N4BP2: variants seen among roughly 807,000 people sequenced by gnomAD.
The protein encoded by N4BP2 is NEDD4 binding protein 2, also known as NEDD4-binding protein 2.
In N4BP2, 91 loss-of-function variants were observed where a neutral mutation model predicts 152.8. The observed-to-expected ratio is 0.60, with a 90% confidence interval of 0.50 to 0.71. N4BP2 has a LOEUF of 0.71. N4BP2 is among the 30% of genes least tolerant of loss of function. N4BP2 has a pLI of 0.00. For missense variants in N4BP2, 1,923 were observed against 2,059.1 expected (o/e 0.93, Z 1.28); for synonymous variants, 646 against 705.3 (o/e 0.92, Z 1.33).
At chr4:40,151,468 T>G (rs1721146591) in intron 16 of N4BP2, among the ~76,000 whole-genome samples, 1 of 151,842 alleles carries the variant, frequency 6.6e-6, no homozygotes, top group African/African-American at 2.4e-5. Flanking sequence ...GATGGGGTTT[T>G]GCCGTGTTGC....
At chr4:40,168,460 C>T in the N4BP2 span, among the ~76,000 whole-genome samples, 1 of 151,970 alleles carries the variant, frequency 6.6e-6, no homozygotes, top group Non-Finnish European at 1.5e-5. Context: ...TATTAATGAA[C>T]TAAACAGGGA....
chr4:40,103,278 T>C, intron 4 of N4BP2, 60 bp downstream of exon 4: 1 of 1,431,768 alleles, frequency 7.0e-7, no homozygotes, highest in Non-Finnish European at 9.5e-7. Flanking sequence ...AACACAAGTA[T>C]GAATAAATAG....
chr4:40,190,183 C>T, the N4BP2 span, among the ~76,000 whole-genome samples: 2 of 152,266 alleles, frequency 1.3e-5, no homozygotes, highest in East Asian at 3.9e-4. Context: ...TAAACTCAGG[C>T]GAGCAGGCTA....
chr4:40,077,433 C>T (rs1437514779), intron 2 of N4BP2, among the ~76,000 whole-genome samples: 1 of 147,632 alleles, frequency 6.8e-6, no homozygotes, highest in Non-Finnish European at 1.5e-5. Flanking sequence ...CAGGCGTGAA[C>T]CACTGTGTCT....
At position 40,120,744 on chromosome 4, in the gene N4BP2, C is replaced by T. The variant is rs1446745817; in HGVS notation, c.2633C>T (p.Ser878Leu). Residue 878 changes from serine to leucine, a missense_variant, in exon 9 of 18, where the codon TCA becomes TTA. By Grantham distance (145) the Ser-to-Leu change is moderately radical. Coordinates refer to ENST00000261435, the MANE Select transcript of N4BP2 (RefSeq NM_018177.6). ...GCTTATAAAAATATTGACAAAAACT[C>T]ATTCAACATTATGGGTGACTGGCCT... is the stretch of plus-strand genomic sequence containing the variant. The part of the protein sequence containing the change: ...YDAYKNIDKN[S>L]FNIMGDWPSS... The T allele has an allele frequency of 6.2e-7, 1 of 1,613,994 alleles. No individual in the cohort carries two copies.
chr4:40,141,446 A>T (rs1221299765), intron 14 of N4BP2, among the ~76,000 whole-genome samples: 1 of 145,088 alleles, frequency 6.9e-6, no homozygotes, highest in African/African-American at 2.6e-5. Context: ...CACATCCCAG[A>T]CGGGGCGGCG....
chr4:40,135,401 A>G (rs1327807080), intron 13 of N4BP2, among the ~76,000 whole-genome samples: 5 of 151,560 alleles, frequency 3.3e-5, no homozygotes, highest in Non-Finnish European at 4.4e-5. Context: ...TAGTGCTGCA[A>G]TAAACATACG....
the N4BP2 span, among the ~76,000 whole-genome samples, chr4:40,178,416 G>A: frequency 1.1e-4 from 11 of 102,188 alleles, no homozygotes; most frequent in South Asian, 4.1e-3. Flanking sequence ...CCCCCGCCCC[G>A]CCACCAAAAC....
rs1332231719 is a variant in N4BP2 at position 40,156,057 on chromosome 4, G to GC, written c.*1821dup. 6.6e-6 allele frequency: 1 copy of GC among 152,034 alleles called. No individual in the cohort carries two copies. Among genetic ancestry groups the GC allele is most frequent in the African/African-American group, 2.4e-5 (1 of 41,390 alleles). The allele number at this position is 152,034 out of a possible 1,614,324, so 9.4% of individuals were successfully genotyped here. A position where few individuals can be genotyped will look rare whatever the true frequency, so the allele number is the denominator to read the frequency against. ...ATTAAAAATAAACATTAAAAATAAA[G>GC]CAGTTCCTTTAAACAACTTACTATG... is the stretch of plus-strand genomic sequence containing the variant. On this transcript the variant is annotated 3_prime_UTR_variant, in exon 18 of 18. Transcript: ENST00000261435.
Position 40,121,390 on chromosome 4 carries a change from C to A in N4BP2, c.3279C>A (p.Asn1093Lys). ...LTSADESENLNILCKLFGSFS... is the reference protein window; with the variant it reads ...LTSADESENLKILCKLFGSFS... ...GTGCAGATGAATCTGAAAATCTTAACATTCTTTGTAAACTGTTTGGATCCT... is the reference window on the plus strand; with the variant it reads ...GTGCAGATGAATCTGAAAATCTTAAAATTCTTTGTAAACTGTTTGGATCCT... Residue 1093 changes from asparagine to lysine, a missense_variant, in exon 9 of 18, where the codon AAC becomes AAA. Transcript: ENST00000261435. 1 of 1,612,500 alleles carries A rather than the reference C, an allele frequency of 6.2e-7. No homozygotes were observed. The highest frequency in any genetic ancestry group is 1.1e-5 in the South Asian group (1 of 90,854).
intron 14 of N4BP2, among the ~76,000 whole-genome samples, chr4:40,139,212 GTTTC>G (rs1719678086): frequency 1.3e-5 from 2 of 151,622 alleles, no homozygotes; most frequent in Admixed American, 1.3e-4. Context: ...TGTTTGTTTT[GTTTC>G]TTTCTGGTCT....
the N4BP2 span, among the ~76,000 whole-genome samples, chr4:40,179,759 C>CTTTTTTTT: frequency 1.8e-5 from 2 of 109,132 alleles, no homozygotes; most frequent in Non-Finnish European, 3.7e-5. Context: ...TAAAGCCTTT[C>CTTTTTTTT]TTTTTTTTTT....
intron 2 of N4BP2, among the ~76,000 whole-genome samples, chr4:40,086,352 T>A (rs1713953252): frequency 6.6e-6 from 1 of 151,634 alleles, no homozygotes; most frequent in Admixed American, 6.6e-5. Context: ...ATTTTTTTGT[T>A]TTTGAGACGA....
intron 2 of N4BP2, among the ~76,000 whole-genome samples, chr4:40,086,342 A>T (rs555383301): frequency 9.4e-4 from 138 of 146,958 alleles, no homozygotes; most frequent in Middle Eastern, 3.9e-3. Context: ...TTATTTATTT[A>T]TTTTTTTGTT....
chr4:40,108,304 C>T (rs559358872), intron 5 of N4BP2, among the ~76,000 whole-genome samples: 19 of 151,078 alleles, frequency 1.3e-4, no homozygotes, highest in Non-Finnish European at 3.0e-5. Context: ...ACTGGTTTTC[C>T]TTAGATTGGT....
At chr4:40,076,628 AC>A (rs1333608870) in intron 2 of N4BP2, among the ~76,000 whole-genome samples, 1 of 152,006 alleles carries the variant, frequency 6.6e-6, no homozygotes, top group Non-Finnish European at 1.5e-5. Flanking sequence ...AGCTGGGACT[AC>A]AGGCTCCCGC....
chr4:40,100,225 G>A, intron 3 of N4BP2: 1 of 368,018 alleles, frequency 2.7e-6, no homozygotes, highest in Non-Finnish European at 5.6e-6. Context: ...AGATTTAAAT[G>A]TTGGTGTTCT....
the N4BP2 span, among the ~76,000 whole-genome samples, chr4:40,173,621 CACCCT>C: frequency 1.3e-5 from 2 of 152,278 alleles, no homozygotes; most frequent in East Asian, 3.9e-4. Context: ...TTCCCAAACA[CACCCT>C]TCCTTGTAAA....
At position 40,122,256 on chromosome 4, in the gene N4BP2, C is replaced by T; in HGVS notation, c.4145C>T (p.Pro1382Leu). 1 of 1,594,104 alleles carries T rather than the reference C, an allele frequency of 6.3e-7. No homozygotes were observed. Among genetic ancestry groups the T allele is most frequent in the Non-Finnish European group, 8.6e-7 (1 of 1,169,490 alleles). Reference sequence around the variant, plus strand: ...GACTGTCTGGAATTGGCATTACCCCCTGAACTGGCTTTTCAACTTAATGAA... The same window carrying T: ...GACTGTCTGGAATTGGCATTACCCCTTGAACTGGCTTTTCAACTTAATGAA... ...TIDCLELALP[P>L]ELAFQLNELF... The change falls in exon 9 of 18, where the codon CCT (proline) becomes CTT (leucine). Residue 1382 changes from proline to leucine, a missense_variant. Pro to Leu is a moderately conservative substitution (Grantham distance 98, BLOSUM62 -3). Transcript: ENST00000261435.
Sources: gnomAD v4.1 joint callset for allele counts (sites outside exome capture counted in the v4.1 genomes callset) on GRCh38, gnomAD v4.1.1 for gene constraint, MANE v1.5 for transcripts, NCBI Gene and HGNC (gene_info 2026-07-23, HGNC 2026-07-21) for gene names.